ACAD9: variants seen among roughly 807,000 people sequenced by gnomAD.
The protein encoded by ACAD9 is complex I assembly factor ACAD9, mitochondrial.
Under a neutral mutation model 70.2 loss-of-function variants are expected in ACAD9, and 53 were observed. The ratio of observed to expected loss-of-function variants is 0.75; its 90% CI spans 0.61 to 0.95. The LOEUF is 0.95. Among genes scored for constraint, ACAD9 ranks in the 40% least tolerant of loss-of-function variants. The pLI is 0.00. For synonymous variants in ACAD9, 313 were observed against 312.1 expected (o/e 1.00, Z -0.03); for missense variants, 777 against 802.8 (o/e 0.97, Z 0.39).
At chr3:128,900,489 C>T (rs539799433) in intron 7 of ACAD9, among the ~76,000 whole-genome samples, 14 of 151,224 alleles carry the variant, frequency 9.3e-5, no homozygotes, top group African/African-American at 2.9e-4. Flanking sequence ...CCGCTCACCT[C>T]GGCCTCCCAA....
intron 2 of ACAD9, among the ~76,000 whole-genome samples, chr3:128,886,312 A>G (rs751079492): frequency 4.3e-4 from 65 of 151,824 alleles, no homozygotes; most frequent in Admixed American, 3.0e-3. Flanking sequence ...TATGTTGGCC[A>G]GGTTGGTCTT....
chr3:128,893,941 A>G (rs1935495317), intron 3 of ACAD9, among the ~76,000 whole-genome samples: 2 of 152,198 alleles, frequency 1.3e-5, no homozygotes, highest in African/African-American at 2.4e-5. Flanking sequence ...CCTTTGTCCT[A>G]TGGACTGTCC....
intron 2 of ACAD9, among the ~76,000 whole-genome samples, chr3:128,892,341 CTG>C (rs561024179): frequency 3.1e-4 from 47 of 152,276 alleles, no homozygotes; most frequent in Admixed American, 2.7e-3. Context: ...TTTTGGGAAT[CTG>C]TAGTTCTCTT....
In ACAD9 at chr3:128,879,744, G is replaced by T. The variant is rs1432175650; in HGVS notation, c.53G>T (p.Arg18Leu). The change falls in exon 1 of 18, where the codon CGG becomes CTG. Residue 18 changes from arginine to leucine, a missense_variant. By Grantham distance (102) the Arg-to-Leu change is moderately radical. Coordinates refer to ENST00000308982, the MANE Select transcript of ACAD9 (RefSeq NM_014049.5). ...LRTTAAARACRGLVVSTANRR... is the reference protein window; with the variant it reads ...LRTTAAARACLGLVVSTANRR... ...ACCACGGCTGCGGCTCGTGCCTGCC[G>T]GGGTCTGGTGGTCTCTACCGCGAAC... 1 of 1,612,812 alleles carries T rather than the reference G, an allele frequency of 6.2e-7. No individual in the cohort carries two copies. Among genetic ancestry groups the T allele is most frequent in the Non-Finnish European group, 8.5e-7 (1 of 1,179,976 alleles).
chr3:128,909,595 A>G lies in ACAD9; in HGVS notation c.1563+174A>G, dbSNP rs998827816. 3 of 708,880 alleles carry G rather than the reference A, an allele frequency of 4.2e-6. No individual in the cohort carries two copies. The South Asian group carries it at 4.9e-5, about 12-fold the overall frequency. The allele number at this position is 708,880 out of a possible 1,614,324, so 43.9% of individuals were successfully genotyped here. A position where few individuals can be genotyped will look rare whatever the true frequency, so the allele number is the denominator to read the frequency against. On this transcript the variant is annotated intron_variant, in intron 15 of 17. Coordinates refer to ENST00000308982, the MANE Select transcript of ACAD9 (RefSeq NM_014049.5). ...GACTTTGTCAGCCTGGGGCCCACTT[A>G]GCTACTCGGATGGGTACCCTTGCTG... is the stretch of plus-strand genomic sequence containing the variant.
chr3:128,892,873 G>A (rs1202789331), intron 2 of ACAD9, among the ~76,000 whole-genome samples: 8 of 151,824 alleles, frequency 5.3e-5, no homozygotes, highest in East Asian at 1.9e-4. Context: ...AGAAAATACC[G>A]GCCAAAAAAA....
In ACAD9 at chr3:128,899,413, G is replaced by C; in HGVS notation, c.760G>C (p.Val254Leu). The change falls in exon 7 of 18, where the codon GTC becomes CTC. Residue 254 changes from valine (V) to leucine (L), a missense_variant. By Grantham distance (32) the Val-to-Leu change is conservative. Transcript: ENST00000308982. The stretch of plus-strand genomic sequence containing the variant: ...CATAGTAGAAAGAGACTTTGGTGGA[G>C]TCACTAATGGGAAACCCGAAGATAA... Reference protein sequence around the residue: ...AFIVERDFGGVTNGKPEDKLG... With the variant: ...AFIVERDFGGLTNGKPEDKLG... The C allele has an allele frequency of 6.2e-7, 1 of 1,614,254 alleles. No homozygotes were observed. The highest frequency in any genetic ancestry group is 8.5e-7 in the Non-Finnish European group (1 of 1,180,048).
intron 2 of ACAD9, among the ~76,000 whole-genome samples, chr3:128,888,324 A>G (rs182974939): frequency 1.3e-5 from 2 of 152,314 alleles, no homozygotes; most frequent in East Asian, 3.9e-4. Context: ...CATGCCTGCA[A>G]TCCCAGCGCT....
intron 2 of ACAD9, 119 bp downstream of exon 2, chr3:128,884,865 A>T: frequency 1.2e-6 from 1 of 845,764 alleles, no homozygotes; most frequent in South Asian, 1.4e-5. Context: ...GTTTCCACTC[A>T]TAATATTTTG....
intron 13 of ACAD9, chr3:128,908,486 A>G: frequency 1.6e-6 from 1 of 615,976 alleles, no homozygotes; most frequent in South Asian, 1.9e-5. Flanking sequence ...CAGCTTCAGC[A>G]TAAATACCGT....
chr3:128,909,346 CAGTGCCAACA>C lies in ACAD9; in HGVS notation c.1492_1501del (p.Ala498LeufsTer30). On this transcript the variant is annotated frameshift_variant, in exon 15 of 18. Coordinates refer to ENST00000308982, the MANE Select transcript of ACAD9 (RefSeq NM_014049.5). LOFTEE classifies it high-confidence loss of function. ...CTGAGTCCTGTCTTGGTTAATAGGA[CAGTGCCAACA>C]AGTTTGAGGAGAACACCTACTGCTT... 1 of 1,614,188 alleles carries C rather than the reference CAGTGCCAACA, an allele frequency of 6.2e-7. No individual in the cohort carries two copies. Among genetic ancestry groups the C allele is most frequent in the Admixed American group, 1.7e-5 (1 of 60,032 alleles).
chr3:128,887,764 C>T (rs1445748756), intron 2 of ACAD9, among the ~76,000 whole-genome samples: 3 of 151,664 alleles, frequency 2.0e-5, no homozygotes, highest in African/African-American at 7.3e-5. Context: ...TATGTTCATT[C>T]AGCTGCCATG....
rs768005550 is a variant in ACAD9 at position 128,901,265 on chromosome 3, A to T, written c.809-11A>T. On this transcript the variant is annotated splice_polypyrimidine_tract_variant and intron_variant, in intron 7 of 17. Transcript: ENST00000308982. Reference sequence around the variant, plus strand: ...ATTGTCAGATGATATCTTAAATTTCATGTGTTTCAGCTTGTGAAGTCCATT... The same window carrying T: ...ATTGTCAGATGATATCTTAAATTTCTTGTGTTTCAGCTTGTGAAGTCCATT... The T allele has an allele frequency of 3.1e-5, 50 of 1,613,582 alleles. No individual in the cohort carries two copies. The highest frequency in any genetic ancestry group is 4.2e-5 in the Non-Finnish European group (49 of 1,179,642).
At chr3:128,904,162 A>C in intron 10 of ACAD9, 30 bp downstream of exon 10, 1 of 1,610,268 alleles carries the variant, frequency 6.2e-7, no homozygotes, top group Non-Finnish European at 8.5e-7. Context: ...GTATTTGTGC[A>C]TTTCACTGTG....
At chr3:128,905,690 C>T (rs1935865824) in intron 11 of ACAD9, among the ~76,000 whole-genome samples, 1 of 152,222 alleles carries the variant, frequency 6.6e-6, no homozygotes, top group African/African-American at 2.4e-5. Flanking sequence ...ACAGTGACCA[C>T]AGACATTAGT....
chr3:128,908,829 G>T (rs1187697701), intron 13 of ACAD9, 144 bp from the exon 14 acceptor site: 1 of 1,302,340 alleles, frequency 7.7e-7, no homozygotes, highest in Non-Finnish European at 1.1e-6. Context: ...TGGTGGGTTT[G>T]GGGGGGTTCA....
chr3:128,883,134 C>G (rs936120150), intron 1 of ACAD9, among the ~76,000 whole-genome samples: 2 of 151,152 alleles, frequency 1.3e-5, no homozygotes, highest in Admixed American at 6.6e-5. Flanking sequence ...TGTTGCCCAC[C>G]CTGGAGTGCA....
chr3:128,912,625 C>T lies in ACAD9; in HGVS notation c.*18C>T. The T allele has an allele frequency of 6.3e-7, 1 of 1,599,464 alleles. No individual in the cohort carries two copies. Among genetic ancestry groups the T allele is most frequent in the Non-Finnish European group, 8.6e-7 (1 of 1,166,646 alleles). ...CATGCTGAGGCAGGGGACAGTGTCCCCTGCTACCGCCCGCCCCTACCCATG... is the reference window on the plus strand; with the variant it reads ...CATGCTGAGGCAGGGGACAGTGTCCTCTGCTACCGCCCGCCCCTACCCATG... On this transcript the variant is annotated 3_prime_UTR_variant, in exon 18 of 18. Coordinates refer to ENST00000308982, the MANE Select transcript of ACAD9 (RefSeq NM_014049.5).
chr3:128,881,968 T>G (rs1298733613), intron 1 of ACAD9, among the ~76,000 whole-genome samples: 2 of 152,230 alleles, frequency 1.3e-5, no homozygotes, highest in African/African-American at 4.8e-5. Context: ...AATATCCTGA[T>G]GCCTCAAGTT....
Sources: allele counts gnomAD v4.1 joint callset (sites outside exome capture counted in the v4.1 genomes callset), GRCh38; gene constraint gnomAD v4.1.1; transcripts MANE v1.5; gene names NCBI Gene and HGNC (gene_info 2026-07-23, HGNC 2026-07-21).